ACOX3: variants seen among roughly 807,000 people sequenced by gnomAD.
The protein encoded by ACOX3 is acyl-CoA oxidase 3, pristanoyl.
A neutral mutation model predicts 81.5 loss-of-function variants in ACOX3; 73 were observed. The observed-to-expected ratio is 0.90, with a 90% confidence interval of 0.74 to 1.09. The LOEUF (loss-of-function observed/expected upper bound fraction) is 1.09, where lower values mean the gene tolerates loss of function less well. ACOX3 is among the 50% of genes least tolerant of loss of function. The pLI is 0.00. For missense variants in ACOX3, 947 were observed against 928.0 expected (o/e 1.02, Z -0.27); for synonymous variants, 387 against 375.1 (o/e 1.03, Z -0.37).
intron 1 of ACOX3, among the ~76,000 whole-genome samples, chr4:8,425,667 GC>G (rs760084471): frequency 2.7e-5 from 4 of 150,060 alleles, no homozygotes; most frequent in Admixed American, 6.7e-5. Flanking sequence ...TTACCCACAT[GC>G]CCAAATCTCA....
In ACOX3 at chr4:8,407,912, G is replaced by A. The variant is rs549009226; in HGVS notation, c.688-1869C>T. ...ACGGGTGGTGTCTGGAGAGATTCTG[G>A]TTGTGTTAACTGCAGGAAGCTATGG... On this transcript the variant is annotated intron_variant, in intron 6 of 17. Transcript: ENST00000356406. The surrounding 1 kb of genome is among the most constrained non-coding windows in gnomAD (Gnocchi z 4.6). 3.7e-4 allele frequency among the ~76,000 whole-genome samples: 57 copies of A among 152,310 alleles called. No homozygotes were observed. The highest frequency in any genetic ancestry group is 1.3e-3 in the African/African-American group (56 of 41,562).
chr4:8,409,715 AGGATACACCGTGGGCGGGGCTGTG>A (rs1462977924), intron 6 of ACOX3, among the ~76,000 whole-genome samples: 4 of 130,382 alleles, frequency 3.1e-5, no homozygotes, highest in Admixed American at 2.4e-4. Flanking sequence ...GTAGGGCTGT[AGGATACACCGTGGGCGGGGCTGTG>A]GGATACACTT....
chr4:8,397,892 G>A (rs888425983), intron 8 of ACOX3, among the ~76,000 whole-genome samples: 7 of 152,366 alleles, frequency 4.6e-5, no homozygotes, highest in African/African-American at 1.2e-4. Context: ...CGGGTGCGGC[G>A]GCTCACGCCT....
intron 1 of ACOX3, among the ~76,000 whole-genome samples, chr4:8,438,577 T>G (rs1000938119): frequency 2.0e-5 from 3 of 152,178 alleles, no homozygotes; most frequent in African/African-American, 7.2e-5. Context: ...GAATTAACCT[T>G]AAGAAAGCAA....
At chr4:8,377,902 T>C (rs1393408083) in intron 14 of ACOX3, among the ~76,000 whole-genome samples, 1 of 152,110 alleles carries the variant, frequency 6.6e-6, no homozygotes, top group Non-Finnish European at 1.5e-5. Flanking sequence ...CCGAGAGTGC[T>C]CACGGCACCC....
At position 8,394,951 on chromosome 4, in the gene ACOX3, T is replaced by C; in HGVS notation, c.1057-209A>G. The C allele has an allele frequency of 1.8e-6, 1 of 551,780 alleles. No homozygotes were observed. 34.2% of individuals were successfully genotyped at this position (551,780 alleles called of 1,614,324 possible). ...CCAGTTCGGCTTTCACCCATAGCCC[T>C]TGACAGACAAGCTCAAACGCAATTC... is the stretch of plus-strand genomic sequence containing the variant. On this transcript the variant is annotated intron_variant, in intron 9 of 17. Transcript: ENST00000356406. This position sits in a 1 kb window ranked among gnomAD's most constrained non-coding sequence, Gnocchi z 5.9.
intron 14 of ACOX3, among the ~76,000 whole-genome samples, chr4:8,380,334 C>T (rs951188575): frequency 2.6e-5 from 4 of 152,022 alleles, no homozygotes; most frequent in African/African-American, 7.2e-5. Context: ...GGACTACAGG[C>T]GCATGACACC....
chr4:8,429,835 G>A (rs1056028080), intron 1 of ACOX3, among the ~76,000 whole-genome samples: 1 of 152,116 alleles, frequency 6.6e-6, no homozygotes, highest in Non-Finnish European at 1.5e-5. Context: ...CCAACTACTC[G>A]TGAGGCTGAG....
chr4:8,389,884 C>T lies in ACOX3; in HGVS notation c.1301-150G>A. 3 of 993,946 alleles carry T rather than the reference C, an allele frequency of 3.0e-6. No individual in the cohort carries two copies. The highest frequency in any genetic ancestry group is 4.4e-6 in the Non-Finnish European group (3 of 685,486). 61.6% of individuals were successfully genotyped at this position (993,946 alleles called of 1,614,324 possible). ...CTTTGGGGGGCCGAGGCGGGTGGAT[C>T]ACTTGAAGCCAGGTGTTCAAGACCA... On this transcript the variant is annotated intron_variant, in intron 11 of 17. Transcript: ENST00000356406. This position sits in a 1 kb window ranked among gnomAD's most constrained non-coding sequence, Gnocchi z 5.3.
chr4:8,422,131 G>C, intron 1 of ACOX3, among the ~76,000 whole-genome samples: 1 of 150,986 alleles, frequency 6.6e-6, no homozygotes, highest in Non-Finnish European at 1.5e-5. Context: ...AGAATGAGAG[G>C]GAAAGAGAAA....
downstream of ACOX3, among the ~76,000 whole-genome samples, chr4:8,366,057 G>A (rs1407577215): frequency 1.3e-5 from 2 of 152,178 alleles, no homozygotes; most frequent in African/African-American, 4.8e-5. Flanking sequence ...CTGATCAGAG[G>A]TTAAGAAGCA....
intron 1 of ACOX3, among the ~76,000 whole-genome samples, chr4:8,434,471 C>A (rs1724115184): frequency 6.6e-6 from 1 of 152,234 alleles, no homozygotes; most frequent in Admixed American, 6.5e-5. Context: ...TAGAGCATCC[C>A]TGTGGGGGGC....
chr4:8,439,899 A>G (rs1724496186), intron 1 of ACOX3, among the ~76,000 whole-genome samples: 3 of 151,692 alleles, frequency 2.0e-5, no homozygotes, highest in African/African-American at 7.3e-5. Flanking sequence ...CCTAGTTCAT[A>G]AGACAGGAGG....
chr4:8,367,314 T>C (rs560328919), intron 17 of ACOX3, among the ~76,000 whole-genome samples: 71 of 151,960 alleles, frequency 4.7e-4, no homozygotes, highest in Non-Finnish European at 8.5e-4. Context: ...ACCCCATCTC[T>C]ACTAAAAAAA....
chr4:8,416,610 C>G lies in ACOX3; in HGVS notation c.-14-75G>C. 7.0e-7 allele frequency: 1 copy of G among 1,424,536 alleles called. No individual in the cohort carries two copies. 88.2% of individuals were successfully genotyped at this position (1,424,536 alleles called of 1,614,324 possible). ...AACTACCCCCACCAACAGGAGAGCC[C>G]GCAACACCTTACAAATCAGAGAAAA... On this transcript the variant is annotated intron_variant, in intron 1 of 17. Transcript: ENST00000356406. This position sits in a 1 kb window ranked among gnomAD's most constrained non-coding sequence, Gnocchi z 4.2.
chr4:8,423,762 C>T lies in ACOX3; in HGVS notation c.-14-7227G>A, dbSNP rs1228052513. Among the ~76,000 whole-genome samples, 5 of 152,212 alleles carry T rather than the reference C, an allele frequency of 3.3e-5. No homozygotes were observed. The highest frequency in any genetic ancestry group is 9.7e-5 in the African/African-American group (4 of 41,448). On this transcript the variant is annotated intron_variant, in intron 1 of 17. Coordinates refer to ENST00000356406, the MANE Select transcript of ACOX3 (RefSeq NM_003501.3). The surrounding 1 kb of genome is among the most constrained non-coding windows in gnomAD (Gnocchi z 4.2). ...TTTACTGCATCCCTGTACATCCTGA[C>T]TCTCAATTCTTGCTTGCCTTTGAAG... is the stretch of plus-strand genomic sequence containing the variant.
In ACOX3 at chr4:8,394,394, C is replaced by T. The variant is rs1237204109; in HGVS notation, c.1179+226G>A. ...AACAGCTGAACTCACAGACTGGAAC[C>T]GGGAGTCGTGTCAGCACATCCTTGA... On this transcript the variant is annotated intron_variant, in intron 10 of 17. Coordinates refer to ENST00000356406, the MANE Select transcript of ACOX3 (RefSeq NM_003501.3). This position sits in a 1 kb window ranked among gnomAD's most constrained non-coding sequence, Gnocchi z 5.9. Among the ~76,000 whole-genome samples the T allele has an allele frequency of 6.6e-6, 1 of 152,206 alleles. No homozygotes were observed. The highest frequency in any genetic ancestry group is 6.5e-5 in the Admixed American group (1 of 15,276).
At chr4:8,398,481 C>G (rs1214416776) in intron 8 of ACOX3, among the ~76,000 whole-genome samples, 1 of 152,100 alleles carries the variant, frequency 6.6e-6, no homozygotes, top group Non-Finnish European at 1.5e-5. Flanking sequence ...AACTTCATTT[C>G]TTTCTTTCCT....
Position 8,431,314 on chromosome 4 carries a change from C to G in ACOX3, c.-15+9334G>C, listed in dbSNP as rs1451778878. Among the ~76,000 whole-genome samples, 2 of 152,250 alleles carry G rather than the reference C, an allele frequency of 1.3e-5. No individual in the cohort carries two copies. Among genetic ancestry groups the G allele is most frequent in the Non-Finnish European group, 2.9e-5 (2 of 68,046 alleles). ...GTTTCCCAGATTGGCATCTGCAGGT[C>G]AGACTGTAGTTCTCAGCTTTGACCG... On this transcript the variant is annotated intron_variant, in intron 1 of 17. Coordinates refer to ENST00000356406, the MANE Select transcript of ACOX3 (RefSeq NM_003501.3). This position sits in a 1 kb window ranked among gnomAD's most constrained non-coding sequence, Gnocchi z 5.3.
Sources: gnomAD v4.1 joint callset for allele counts (sites outside exome capture counted in the v4.1 genomes callset) on GRCh38, gnomAD v4.1.1 for gene constraint, Gnocchi (gnomAD v3.1) non-coding constraint, MANE v1.5 for transcripts, NCBI Gene and HGNC (gene_info 2026-07-23, HGNC 2026-07-21) for gene names.